The following COBL variants were observed in gnomAD, a reference collection of about 807,000 sequenced individuals.
COBL encodes protein cordon-bleu.
A neutral mutation model predicts 98.8 loss-of-function variants in COBL; 51 were observed. That is an observed-to-expected ratio of 0.52 (90% CI 0.41 to 0.65). The LOEUF (loss-of-function observed/expected upper bound fraction) is 0.65. Among genes scored for constraint, COBL ranks in the 30% least tolerant of loss-of-function variants. COBL has a pLI of 0.00. For synonymous variants in COBL, 634 were observed against 651.7 expected (o/e 0.97, Z 0.41); for missense variants, 1,617 against 1,617.5 (o/e 1.00, Z 0.01).
At chr7:51,293,967 T>C (rs1029857123) in intron 1 of COBL, among the ~76,000 whole-genome samples, 1 of 152,114 alleles carries the variant, frequency 6.6e-6, no homozygotes. Flanking sequence ...ACTCAGTCTG[T>C]AGCTATTTGC....
rs999317977 is a variant in COBL, at chr7:51,289,620, C to T, written c.41+26973G>A. ...CAGAAATAAGACTCAGTCTCAAACA[C>T]TTCTGTGCCTTGCACACAGTAGCTG... On this transcript the variant is annotated intron_variant, in intron 1 of 12. Transcript: ENST00000265136. Among the ~76,000 whole-genome samples the T allele has an allele frequency of 5.9e-5, 9 of 152,232 alleles. No homozygotes were observed. In the South Asian group the frequency reaches 1.0e-3, roughly 18 times the overall value.
At chr7:51,232,086 T>C (rs554875276) in intron 1 of COBL, among the ~76,000 whole-genome samples, 35 of 152,140 alleles carry the variant, frequency 2.3e-4, no homozygotes, top group Non-Finnish European at 4.4e-4. Flanking sequence ...ACCGTTCTGG[T>C]AGACGATGCA....
Position 51,029,287 on chromosome 7 carries a change from A to G in COBL, c.1809T>C (p.Ala603=). The G allele has an allele frequency of 6.2e-7, 1 of 1,605,396 alleles. No individual in the cohort carries two copies. The highest frequency in any genetic ancestry group is 1.1e-5 in the South Asian group (1 of 89,382). The change falls in exon 10 of 13, where the codon GCT becomes GCC. Residue 603 remains alanine, a synonymous_variant. Transcript: ENST00000265136. Reference sequence around the variant, plus strand: ...GGATTCCTTTTCCGACGTCATGGGAAGCGGGGTGCAGGGCAGGTACTTCCT... The same window carrying G: ...GGATTCCTTTTCCGACGTCATGGGAGGCGGGGTGCAGGGCAGGTACTTCCT... ...AREEVPALHP[A]SHDVGKGIRV...
chr7:51,042,340 G>A (rs1789280521), intron 8 of COBL, among the ~76,000 whole-genome samples: 1 of 152,156 alleles, frequency 6.6e-6, no homozygotes, highest in East Asian at 1.9e-4. Context: ...ATCAAAAAAA[G>A]TAAACATAAC....
Position 51,147,518 on chromosome 7 carries a change from T to C in COBL, c.784-11187A>G, listed in dbSNP as rs528951282. ...CTGGCCAGAACAGGACCTCGCTTTC[T>C]GTATTTGTCCTGATTGGCTAGCAAC... On this transcript the variant is annotated intron_variant, in intron 5 of 12. Transcript: ENST00000265136. 3.1e-4 allele frequency among the ~76,000 whole-genome samples: 47 copies of C among 152,326 alleles called. 1 individual carries two copies. In the South Asian group the frequency reaches 9.7e-3, roughly 32 times the overall value.
intron 5 of COBL, among the ~76,000 whole-genome samples, chr7:51,141,923 G>A (rs1161629177): frequency 6.6e-6 from 1 of 152,132 alleles, no homozygotes; most frequent in Non-Finnish European, 1.5e-5. Context: ...TTCCCAAGAG[G>A]GTGTTCTCTG....
In COBL at chr7:51,074,603, G is replaced by A. The variant is rs553746593; in HGVS notation, c.1096+10563C>T. Among the ~76,000 whole-genome samples the A allele has an allele frequency of 2.6e-5, 4 of 152,250 alleles. No individual in the cohort carries two copies. The East Asian group carries it at 5.8e-4, about 22-fold the overall frequency. ...AAGTTCTTCAACATGGTTTTTATAC[G>A]TAACCTGAGTACATGCTACTAGTTA... is the stretch of plus-strand genomic sequence containing the variant. On this transcript the variant is annotated intron_variant, in intron 7 of 12. Transcript: ENST00000265136.
rs1803652954 is a variant in COBL at position 51,316,738 on chromosome 7, A to G, written c.-105T>C. ...TCATTCACTTTTTCCGCGCTGACCC[A>G]TCGTCCTCCCACGCGGGCCGGCGGA... On this transcript the variant is annotated 5_prime_UTR_variant, in exon 1 of 13. An upstream start codon of the reference 5' UTR is lost. Coordinates refer to ENST00000265136, the MANE Select transcript of COBL (RefSeq NM_015198.5). 2 of 890,014 alleles carry G rather than the reference A, an allele frequency of 2.2e-6. No individual in the cohort carries two copies. The highest frequency in any genetic ancestry group is 3.8e-5 in the East Asian group (1 of 26,324). 55.1% of individuals were successfully genotyped at this position (890,014 alleles called of 1,614,324 possible). A position where few individuals can be genotyped will look rare whatever the true frequency, so the allele number is the denominator to read the frequency against.
At chr7:51,245,175 C>G (rs1338130599) in intron 1 of COBL, among the ~76,000 whole-genome samples, 1 of 152,120 alleles carries the variant, frequency 6.6e-6, no homozygotes, top group East Asian at 1.9e-4. Context: ...TTCCCTGCCT[C>G]CCACACGCCC....
At chr7:51,262,622 G>A (rs961583382) in intron 1 of COBL, among the ~76,000 whole-genome samples, 3 of 152,206 alleles carry the variant, frequency 2.0e-5, no homozygotes, top group African/African-American at 7.2e-5. Context: ...GGTGCTGGCG[G>A]CAACATTCGC....
At position 51,219,711 on chromosome 7, in the gene COBL, A is replaced by G. The variant is rs770897441; in HGVS notation, c.245+30T>C. On this transcript the variant is annotated intron_variant, in intron 2 of 12. Coordinates refer to ENST00000265136, the MANE Select transcript of COBL (RefSeq NM_015198.5). Reference sequence around the variant, plus strand: ...CCCGCTATACTCGCAAAGTGAGTACAGCGACTCCTCCTGCAGCACCGGCTC... The same window carrying G: ...CCCGCTATACTCGCAAAGTGAGTACGGCGACTCCTCCTGCAGCACCGGCTC... 3.1e-6 allele frequency: 5 copies of G among 1,605,942 alleles called. No individual in the cohort carries two copies. In the African/African-American group the frequency reaches 5.4e-5, roughly 17 times the overall value.
intron 4 of COBL, among the ~76,000 whole-genome samples, chr7:51,188,492 G>C (rs1789761796): frequency 6.6e-6 from 1 of 152,230 alleles, no homozygotes; most frequent in African/African-American, 2.4e-5. Flanking sequence ...GTAATCAAAT[G>C]TCACAGCTGG....
chr7:51,017,610 A>C lies in COBL; in HGVS notation c.3769-42T>G, dbSNP rs576209625. 9.3e-6 allele frequency: 15 copies of C among 1,609,448 alleles called. No homozygotes were observed. The South Asian group carries it at 1.3e-4, about 14-fold the overall frequency. On this transcript the variant is annotated intron_variant, in intron 12 of 12. Coordinates refer to ENST00000265136, the MANE Select transcript of COBL (RefSeq NM_015198.5). ...TTCACAGTTATTTGGTATGTCAATAAGCCCAGGATGCAGATCTTCTGGTGC... is the reference window on the plus strand; with the variant it reads ...TTCACAGTTATTTGGTATGTCAATACGCCCAGGATGCAGATCTTCTGGTGC...
chr7:51,062,964 G>A (rs908568446), intron 7 of COBL, among the ~76,000 whole-genome samples: 8 of 152,032 alleles, frequency 5.3e-5, no homozygotes, highest in African/African-American at 1.9e-4. Flanking sequence ...ACAGTGAGAC[G>A]CTCTGCACTG....
chr7:51,197,859 T>G (rs1217385032), intron 2 of COBL, among the ~76,000 whole-genome samples: 3 of 152,194 alleles, frequency 2.0e-5, no homozygotes, highest in Non-Finnish European at 4.4e-5. Flanking sequence ...GTTTTCCATT[T>G]GCTTGGTAGA....
At position 51,306,283 on chromosome 7, in the gene COBL, G is replaced by A. The variant is rs540570321; in HGVS notation, c.41+10310C>T. On this transcript the variant is annotated intron_variant, in intron 1 of 12. Transcript: ENST00000265136. ...CCCCGATACTGACTAGCACACCCAGGCCAACAGGGCCCACTCACCTGCAGA... is the reference window on the plus strand; with the variant it reads ...CCCCGATACTGACTAGCACACCCAGACCAACAGGGCCCACTCACCTGCAGA... Among the ~76,000 whole-genome samples, 443 of 152,194 alleles carry A rather than the reference G, an allele frequency of 2.9e-3. 2 individuals are homozygous for A. Among genetic ancestry groups the A allele is most frequent in the Admixed American group, 6.3e-3 (97 of 15,292 alleles).
At chr7:51,149,754 C>T (rs1785384349) in intron 5 of COBL, among the ~76,000 whole-genome samples, 1 of 152,034 alleles carries the variant, frequency 6.6e-6, no homozygotes, top group Non-Finnish European at 1.5e-5. Flanking sequence ...TACATGTGCC[C>T]ACCACCACGC....
chr7:51,053,007 G>A (rs746938884), intron 7 of COBL, among the ~76,000 whole-genome samples: 5 of 152,148 alleles, frequency 3.3e-5, no homozygotes, highest in East Asian at 1.9e-4. Context: ...AGGCAGGACC[G>A]AGCTGTGCCT....
chr7:51,264,900 T>C (rs1318672568), intron 1 of COBL, among the ~76,000 whole-genome samples: 1 of 152,098 alleles, frequency 6.6e-6, no homozygotes, highest in African/African-American at 2.4e-5. Context: ...CCATAGGAAA[T>C]ATCCCATAAC....
Sources: gnomAD v4.1 joint callset for allele counts (sites outside exome capture counted in the v4.1 genomes callset) on GRCh38, gnomAD v4.1.1 for gene constraint, MANE v1.5 for transcripts, NCBI Gene and HGNC (gene_info 2026-07-23, HGNC 2026-07-21) for gene names.